CDK10: variants seen among roughly 807,000 people sequenced by gnomAD.
The protein encoded by CDK10 is cyclin-dependent kinase 10.
A neutral mutation model predicts 51.0 loss-of-function variants in CDK10; 55 were observed. That is an observed-to-expected ratio of 1.08 (90% CI 0.87 to 1.35). The LOEUF is 1.35. CDK10 is among the 40% of genes most tolerant of loss of function. The pLI, the probability that CDK10 is intolerant of heterozygous loss-of-function variation, is 0.00. For synonymous variants in CDK10, 255 were observed against 199.1 expected (o/e 1.28, Z -2.36); for missense variants, 589 against 485.1 (o/e 1.21, Z -2.01).
At chr16:89,689,433 T>TTTCAGA in intron 2 of CDK10, 109 bp downstream of exon 2, 1 of 904,720 alleles carries the variant, frequency 1.1e-6, no homozygotes, top group Non-Finnish European at 1.8e-6. Context: ...TCAGACCCTG[T>TTTCAGA]GCTCTGAAAC....
At chr16:89,686,976 A>C in intron 1 of CDK10, 179 bp downstream of exon 1, 1 of 542,416 alleles carries the variant, frequency 1.8e-6, no homozygotes, top group Non-Finnish European at 3.2e-6. Context: ...AGGACCCCCG[A>C]CAGCCGGTCC....
At chr16:89,689,229 C>T (rs2060333868) in intron 1 of CDK10, 23 bp from the exon 2 acceptor site, 1 of 1,612,638 alleles carries the variant, frequency 6.2e-7, no homozygotes, top group African/African-American at 1.3e-5. Flanking sequence ...AATTTCCACA[C>T]TGGCAACACC....
In CDK10 at chr16:89,695,800, C is replaced by A; in HGVS notation, c.*108C>A. 6.4e-7 allele frequency: 1 copy of A among 1,562,636 alleles called. No homozygotes were observed. Among genetic ancestry groups the A allele is most frequent in the South Asian group, 1.2e-5 (1 of 85,526 alleles). ...ACCAGGCGCCCGGGATCCAGCTCATCCCCTTGGCTGGGAACATCCTCCACT... is the reference window on the plus strand; with the variant it reads ...ACCAGGCGCCCGGGATCCAGCTCATACCCTTGGCTGGGAACATCCTCCACT... On this transcript the variant is annotated 3_prime_UTR_variant, in exon 13 of 13. Coordinates refer to ENST00000353379, the MANE Select transcript of CDK10 (RefSeq NM_052988.5).
intron 12 of CDK10, 97 bp downstream of exon 12, chr16:89,695,442 G>A: frequency 1.3e-6 from 2 of 1,490,056 alleles, no homozygotes; most frequent in East Asian, 2.3e-5. Context: ...TGCCCTCACT[G>A]ACGGCACACC....
intron 8 of CDK10, chr16:89,693,966 C>G (rs1023139844): frequency 8.1e-6 from 5 of 617,990 alleles, no homozygotes; most frequent in Non-Finnish European, 1.4e-5. Flanking sequence ...CCCTGCGACT[C>G]TCAGGACACC....
Position 89,690,557 on chromosome 16 carries a change from G to A in CDK10, c.165G>A (p.Arg55=). 1 of 1,614,074 alleles carries A rather than the reference G, an allele frequency of 6.2e-7. No individual in the cohort carries two copies. Among genetic ancestry groups the A allele is most frequent in the Non-Finnish European group, 8.5e-7 (1 of 1,179,968 alleles). Residue 55 remains arginine, a synonymous_variant, in exon 3 of 13, where the codon CGG becomes CGA. Transcript: ENST00000353379. ...ACCAATGTGTTTCCATTCCAGATCG[G>A]GCCCGGGACACCCAGACAGATGAGA... ...IGEGTYGIVY[R]ARDTQTDEIV...
At chr16:89,689,400 G>A in intron 2 of CDK10, 76 bp downstream of exon 2, 1 of 1,321,448 alleles carries the variant, frequency 7.6e-7, no homozygotes, top group Non-Finnish European at 1.1e-6. Flanking sequence ...CGAAGCAGCA[G>A]CCGCGTTGGG....
At chr16:89,694,439 A>G (rs1289589145) in intron 9 of CDK10, 2 of 862,750 alleles carry the variant, frequency 2.3e-6, no homozygotes. Context: ...CTGGGAGCAC[A>G]GAGGTCTGGA....
intron 1 of CDK10, among the ~76,000 whole-genome samples, chr16:89,688,296 G>C (rs1448332119): frequency 6.6e-6 from 1 of 151,756 alleles, no homozygotes; most frequent in Non-Finnish European, 1.5e-5. Flanking sequence ...GTTAGTCAGG[G>C]TGCTCTAGAT....
chr16:89,693,811 A>G (rs1467718314), intron 8 of CDK10: 1 of 542,560 alleles, frequency 1.8e-6, no homozygotes, highest in African/African-American at 1.9e-5. Flanking sequence ...TTCCTCCTGG[A>G]TACTTTTAAC....
At position 89,695,734 on chromosome 16, in the gene CDK10, C is replaced by G; in HGVS notation, c.*42C>G. On this transcript the variant is annotated 3_prime_UTR_variant, in exon 13 of 13. Coordinates refer to ENST00000353379, the MANE Select transcript of CDK10 (RefSeq NM_052988.5). Reference sequence around the variant, plus strand: ...CGCCTGTATTCCCACACCAGGTCTTCCGATCAGTGGTGTCTGTGAAGGGTG... The same window carrying G: ...CGCCTGTATTCCCACACCAGGTCTTGCGATCAGTGGTGTCTGTGAAGGGTG... The G allele has an allele frequency of 6.3e-7, 1 of 1,590,998 alleles. No homozygotes were observed. The highest frequency in any genetic ancestry group is 1.1e-5 in the South Asian group (1 of 88,036).
chr16:89,690,390 G>A lies in CDK10; in HGVS notation c.161-163G>A, dbSNP rs570553384. On this transcript the variant is annotated intron_variant, in intron 2 of 12. Transcript: ENST00000353379. ...AAACCCTCCGGGGGAACGCGTCTCG[G>A]GCTAGGGGCGTTGCACAGAGTGGGG... is the stretch of plus-strand genomic sequence containing the variant. 2.1e-5 allele frequency: 14 copies of A among 655,650 alleles called. No individual in the cohort carries two copies. In the East Asian group the frequency reaches 3.0e-4, roughly 14 times the overall value. 40.6% of individuals were successfully genotyped at this position (655,650 alleles called of 1,614,324 possible).
chr16:89,686,940 G>A (rs2060216034), intron 1 of CDK10, 143 bp downstream of exon 1: 1 of 669,078 alleles, frequency 1.5e-6, no homozygotes, highest in Non-Finnish European at 2.4e-6. Context: ...CCGCGGCGGG[G>A]GCGGAAGCCG....
chr16:89,694,676 G>C lies in CDK10; in HGVS notation c.680G>C (p.Cys227Ser). 1 of 1,589,478 alleles carries C rather than the reference G, an allele frequency of 6.3e-7. No homozygotes were observed. The highest frequency in any genetic ancestry group is 1.1e-5 in the South Asian group (1 of 87,342). The change falls in exon 10 of 13, where the codon TGC (cysteine) becomes TCC (serine). Residue 227 changes from cysteine (C) to serine (S), a missense_variant. Transcript: ENST00000353379. ...ACTGTTCTCTGCAGGGCTGTGGGCT[G>C]CATACTGGCCGAGCTGCTGGCGCAC... ...TTSIDMWAVG[C>S]ILAELLAHRP...
At position 89,695,782 on chromosome 16, in the gene CDK10, G is replaced by A. The variant is rs372178353; in HGVS notation, c.*90G>A. On this transcript the variant is annotated 3_prime_UTR_variant, in exon 13 of 13. Coordinates refer to ENST00000353379, the MANE Select transcript of CDK10 (RefSeq NM_052988.5). ...GTGCCGCGAGCCAGGCTGACCAGGCGCCCGGGATCCAGCTCATCCCCTTGG... is the reference window on the plus strand; with the variant it reads ...GTGCCGCGAGCCAGGCTGACCAGGCACCCGGGATCCAGCTCATCCCCTTGG... 1.8e-4 allele frequency: 281 copies of A among 1,577,322 alleles called. No homozygotes were observed. In the African/African-American group the frequency reaches 2.2e-3, roughly 12 times the overall value.
rs762479674 is a variant in CDK10, at chr16:89,689,239, C to T, written c.88-13C>T. The T allele has an allele frequency of 2.5e-6, 4 of 1,613,682 alleles. No homozygotes were observed. The highest frequency in any genetic ancestry group is 3.4e-6 in the Non-Finnish European group (4 of 1,179,742). On this transcript the variant is annotated splice_polypyrimidine_tract_variant and intron_variant, in intron 1 of 12. Coordinates refer to ENST00000353379, the MANE Select transcript of CDK10 (RefSeq NM_052988.5). ...TGCCAAATTTCCACACTGGCAACACCCTTCTGTTTCAGCTGGGACGATGCC... is the reference window on the plus strand; with the variant it reads ...TGCCAAATTTCCACACTGGCAACACTCTTCTGTTTCAGCTGGGACGATGCC...
At chr16:89,690,699 C>A in intron 3 of CDK10, 75 bp downstream of exon 3, 1 of 1,280,998 alleles carries the variant, frequency 7.8e-7, no homozygotes, top group South Asian at 1.2e-5. Flanking sequence ...GAAGTTTCCT[C>A]AGAGCGACTG....
intron 3 of CDK10, 137 bp downstream of exon 3, chr16:89,690,761 G>T: frequency 1.3e-6 from 1 of 752,570 alleles, no homozygotes; most frequent in Admixed American, 2.0e-5. Context: ...GTGTGGCCCA[G>T]CACATCACCC....
intron 5 of CDK10, 82 bp from the exon 6 acceptor site, chr16:89,692,367 G>A: frequency 9.3e-7 from 1 of 1,073,668 alleles, no homozygotes; most frequent in South Asian, 1.7e-5. Flanking sequence ...TGCTAGTCCT[G>A]CTGGCCAGTG....
Sources: gnomAD v4.1 joint callset for allele counts (sites outside exome capture counted in the v4.1 genomes callset) on GRCh38, gnomAD v4.1.1 for gene constraint, MANE v1.5 for transcripts, NCBI Gene and HGNC (gene_info 2026-07-23, HGNC 2026-07-21) for gene names.